The following EPRS1 variants were observed in gnomAD, a reference collection of about 807,000 sequenced individuals.
EPRS1 encodes the protein glutamyl-prolyl-tRNA synthetase 1.
A neutral mutation model predicts 188.3 loss-of-function variants in EPRS1; 107 were observed. The ratio of observed to expected loss-of-function variants is 0.57; its 90% CI spans 0.49 to 0.67. EPRS1 has a LOEUF of 0.67. Ranked by LOEUF, EPRS1 falls within the 30% of genes least tolerant of loss-of-function variation. The pLI, the probability that EPRS1 is intolerant of heterozygous loss-of-function variation, is 0.00. For synonymous variants in EPRS1, 596 were observed against 593.1 expected, an observed-to-expected ratio of 1.00 and a Z score of -0.07; for missense variants, 1,577 against 1,802.2, an observed-to-expected ratio of 0.88 and a Z score of 2.26.
At chr1:220,010,586 C>A (rs1661582744) in intron 13 of EPRS1, among the ~76,000 whole-genome samples, 1 of 152,050 alleles carries the variant, frequency 6.6e-6, no homozygotes, top group African/African-American at 2.4e-5. Context: ...CCGACGCAGG[C>A]AGATCACGAG....
chr1:219,997,370 A>G, intron 17 of EPRS1, 28 bp from the exon 18 acceptor site: 2 of 1,508,922 alleles, frequency 1.3e-6, no homozygotes, highest in Non-Finnish European at 1.8e-6. Context: ...CAAAAGTAAA[A>G]TAATTAATTC....
At chr1:220,016,338 C>T (rs753773120) in intron 12 of EPRS1, among the ~76,000 whole-genome samples, 15 of 144,934 alleles carry the variant, frequency 1.0e-4, no homozygotes, top group East Asian at 6.0e-4. Flanking sequence ...GGTGAGATTC[C>T]GCTACAAAAA....
At chr1:220,045,401 G>C (rs1662382052) in intron 1 of EPRS1, among the ~76,000 whole-genome samples, 1 of 152,156 alleles carries the variant, frequency 6.6e-6, no homozygotes, top group Admixed American at 6.6e-5. Flanking sequence ...CTACTAAGGA[G>C]GCTGAGGTGG....
chr1:219,996,941 A>G, intron 18 of EPRS1, 42 bp downstream of exon 18: 1 of 1,523,640 alleles, frequency 6.6e-7, no homozygotes, highest in Non-Finnish European at 8.7e-7. Context: ...GTTTGAATTC[A>G]CACACTGAAA....
intron 30 of EPRS1, among the ~76,000 whole-genome samples, chr1:219,971,795 T>TATATACACACAC (rs140568859): frequency 9.2e-6 from 1 of 108,428 alleles, no homozygotes; most frequent in Middle Eastern, 5.1e-3. Context: ...TATATATATA[T>TATATACACACAC]ACATATACAC....
At position 220,010,988 on chromosome 1, in the gene EPRS1, A is replaced by G. The variant is rs764669618; in HGVS notation, c.1563T>C (p.Pro521=). The G allele has an allele frequency of 4.3e-6, 7 of 1,613,394 alleles. No individual in the cohort carries two copies. Among genetic ancestry groups the G allele is most frequent in the Middle Eastern group, 1.6e-4 (1 of 6,084 alleles). The change falls in exon 13 of 32, where the codon CCT becomes CCC. Residue 521 remains proline (P), a synonymous_variant. Coordinates refer to ENST00000366923, the MANE Select transcript of EPRS1 (RefSeq NM_004446.3). ...LKKEVIPVNV[P]EAQEEMKEVA... is the part of the protein sequence containing the mutation. ...CTTCTTTCATCTCCTCCTGAGCTTC[A>G]GGTACATTCACTGGGATCACTTCTT... is the stretch of plus-strand genomic sequence containing the variant.
At chr1:220,000,510 C>T (rs566389571) in intron 17 of EPRS1, among the ~76,000 whole-genome samples, 32 of 152,114 alleles carry the variant, frequency 2.1e-4, no homozygotes, top group Non-Finnish European at 1.5e-4. Context: ...AAAACCATAC[C>T]GCTCTTTTAA....
intron 1 of EPRS1, among the ~76,000 whole-genome samples, chr1:220,044,681 C>CAAAAAAAAAAAAAAAAAAAAAAAAA (rs71560597): frequency 3.4e-5 from 3 of 88,344 alleles, no homozygotes; most frequent in African/African-American, 1.2e-4. Flanking sequence ...GCTCGGTCTC[C>CAAAAAAAAAAAAAAAAAAAAAAAAA]AAAAAAAAAA....
intron 24 of EPRS1, 113 bp from the exon 25 acceptor site, chr1:219,980,970 A>C: frequency 1.5e-6 from 1 of 650,740 alleles, no homozygotes; most frequent in South Asian, 1.9e-5. Context: ...TGCAATCATG[A>C]CTCACTGAAA....
At chr1:220,033,886 T>TC (rs896343579) in intron 3 of EPRS1, among the ~76,000 whole-genome samples, 2 of 151,570 alleles carry the variant, frequency 1.3e-5, no homozygotes, top group Non-Finnish European at 2.9e-5. Context: ...CTGCTTTTTT[T>TC]TTTTTTTACA....
rs376566925 is a variant in EPRS1 at position 219,983,210 on chromosome 1, A to G, written c.3279T>C (p.His1093=). 6.4e-5 allele frequency: 103 copies of G among 1,613,852 alleles called. No homozygotes were observed. The highest frequency in any genetic ancestry group is 8.0e-5 in the Non-Finnish European group (94 of 1,179,890). Residue 1093 remains histidine, a synonymous_variant, in exon 22 of 32, where the codon CAT becomes CAC. Coordinates refer to ENST00000366923, the MANE Select transcript of EPRS1 (RefSeq NM_004446.3). ...SQSALEKEKT[H]VADFAPEVAW... The stretch of plus-strand genomic sequence containing the variant: ...TTACCTCTGGGGCAAAGTCAGCAAC[A>G]TGAGTCTTCTCTTTCTCTAATGCAC...
chr1:220,028,343 T>A (rs1054330640), intron 6 of EPRS1, among the ~76,000 whole-genome samples: 4 of 152,198 alleles, frequency 2.6e-5, no homozygotes, highest in Non-Finnish European at 4.4e-5. Flanking sequence ...ATGTTATTTC[T>A]AAATCTGCAG....
intron 28 of EPRS1, 113 bp from the exon 29 acceptor site, chr1:219,973,511 C>T: frequency 1.9e-6 from 1 of 532,038 alleles, no homozygotes; most frequent in South Asian, 6.3e-5. Context: ...AAAACAAAGG[C>T]AAAGCCAAAA....
intron 30 of EPRS1, 114 bp from the exon 31 acceptor site, chr1:219,969,236 C>G: frequency 1.4e-6 from 1 of 730,938 alleles, no homozygotes; most frequent in Non-Finnish European, 2.3e-6. Flanking sequence ...GGTCTCCCAA[C>G]CTTTTTTCAG....
intron 28 of EPRS1, among the ~76,000 whole-genome samples, chr1:219,973,922 T>C (rs1453890993): frequency 6.6e-6 from 1 of 152,044 alleles, no homozygotes; most frequent in Admixed American, 6.6e-5. Flanking sequence ...TTAGAGTAGG[T>C]TGGGGATGCG....
rs183642445 is a variant in EPRS1, at chr1:220,007,457, G to C, written c.1606-119C>G. ...CAAAAGTCTTCTGTGTTACTAAACT[G>C]TTAGCAGTTCATTGCTGTATTAGGA... On this transcript the variant is annotated intron_variant, in intron 13 of 31. Transcript: ENST00000366923. 1.6e-4 allele frequency: 141 copies of C among 897,044 alleles called. No homozygotes were observed. In the African/African-American group the frequency reaches 2.0e-3, roughly 13 times the overall value. 55.6% of individuals were successfully genotyped at this position (897,044 alleles called of 1,614,324 possible). A position where few individuals can be genotyped will look rare whatever the true frequency, so the allele number is the denominator to read the frequency against.
At chr1:219,970,692 C>T (rs988601616) in intron 30 of EPRS1, among the ~76,000 whole-genome samples, 7 of 151,134 alleles carry the variant, frequency 4.6e-5, no homozygotes, top group Non-Finnish European at 5.9e-5. Context: ...GCAGGAGAAT[C>T]GCTTGAACTC....
intron 13 of EPRS1, 124 bp downstream of exon 13, chr1:220,010,822 A>AAAG (rs1553252639): frequency 1.2e-4 from 57 of 462,008 alleles, no homozygotes; most frequent in East Asian, 1.2e-3. Context: ...AAAAAAAAAA[A>AAAG]AAAGAAAGAA....
In EPRS1 at chr1:220,032,431, A is replaced by T; in HGVS notation, c.484T>A (p.Ser162Thr). 6.2e-7 allele frequency: 1 copy of T among 1,613,414 alleles called. No individual in the cohort carries two copies. The highest frequency in any genetic ancestry group is 8.5e-7 in the Non-Finnish European group (1 of 1,179,780). ...GFLEAQQAFQ[S>T]VGTKWDVSTT... ...GAAACATCCCACTTGGTACCTACTG[A>T]CTGGAAGGCCTGCTGGGCTTCAAGA... Residue 162 changes from serine (S) to threonine (T), a missense_variant, in exon 5 of 32, where the codon TCA becomes ACA. Coordinates refer to ENST00000366923, the MANE Select transcript of EPRS1 (RefSeq NM_004446.3).
Sources: allele counts gnomAD v4.1 joint callset (sites outside exome capture counted in the v4.1 genomes callset), GRCh38; gene constraint gnomAD v4.1.1; transcripts MANE v1.5; gene names NCBI Gene and HGNC (gene_info 2026-07-23, HGNC 2026-07-21).